STIM2: variants seen among roughly 807,000 people sequenced by gnomAD.
STIM2 encodes stromal interaction molecule 2.
A neutral mutation model predicts 85.8 loss-of-function variants in STIM2; 31 were observed. The ratio of observed to expected loss-of-function variants is 0.36; its 90% CI spans 0.27 to 0.49. STIM2 has a LOEUF of 0.49. Ranked by LOEUF, STIM2 falls within the 20% of genes least tolerant of loss-of-function variation. STIM2 has a pLI of 0.98. For missense variants in STIM2, 841 were observed against 927.6 expected, an observed-to-expected ratio of 0.91 and a Z score of 1.21; for synonymous variants, 356 against 331.1, an observed-to-expected ratio of 1.08 and a Z score of -0.82.
intron 2 of STIM2, among the ~76,000 whole-genome samples, chr4:26,937,218 T>C (rs1432006917): frequency 6.6e-6 from 1 of 152,244 alleles, no homozygotes; most frequent in Non-Finnish European, 1.5e-5. Context: ...TTAAAAATTA[T>C]TTCTAATTTC....
At chr4:26,929,248 A>T (rs1440108366) in intron 2 of STIM2, among the ~76,000 whole-genome samples, 1 of 152,124 alleles carries the variant, frequency 6.6e-6, no homozygotes, top group Non-Finnish European at 1.5e-5. Context: ...TGTAGCTCAC[A>T]TTTTATTTCT....
intron 3 of STIM2, among the ~76,000 whole-genome samples, chr4:26,974,552 G>A (rs888058615): frequency 3.9e-5 from 6 of 152,190 alleles, no homozygotes; most frequent in Non-Finnish European, 5.9e-5. Context: ...CTTTAAGAAT[G>A]TTGAATATCG....
intron 7 of STIM2, among the ~76,000 whole-genome samples, chr4:27,004,377 G>A (rs1262635156): frequency 1.3e-5 from 2 of 152,090 alleles, no homozygotes; most frequent in Non-Finnish European, 2.9e-5. Context: ...AAAAGGCCTA[G>A]TCGAAATCAT....
intron 1 of STIM2, among the ~76,000 whole-genome samples, chr4:26,907,740 T>C (rs954656915): frequency 3.3e-5 from 5 of 152,236 alleles, no homozygotes; most frequent in African/African-American, 1.2e-4. Context: ...CTTTCTATTT[T>C]TGGAGGTTTA....
intron 2 of STIM2, among the ~76,000 whole-genome samples, chr4:26,921,332 A>G (rs1724789979): frequency 6.6e-6 from 1 of 152,216 alleles, no homozygotes; most frequent in Non-Finnish European, 1.5e-5. Flanking sequence ...GATCTGTAAG[A>G]GAATAAATTT....
intron 3 of STIM2, among the ~76,000 whole-genome samples, chr4:26,976,489 C>A (rs1727200784): frequency 6.7e-6 from 1 of 148,738 alleles, no homozygotes; most frequent in South Asian, 2.1e-4. Context: ...TGATTGATTG[C>A]AAGTTACAAA....
In STIM2 at chr4:27,008,464, G is replaced by A; in HGVS notation, c.1186G>A (p.Gly396Arg). ...TAAAAAGAAGAGAAGCACAGTCTTT[G>A]GGACTCTGCACGTTGCACACAGCTC... Residue 396 changes from glycine (G) to arginine (R), a missense_variant, in exon 9 of 12, where the codon GGG becomes AGG. Physicochemically the swap from Gly to Arg is moderately radical, Grantham distance 125. Coordinates refer to ENST00000467087, the MANE Select transcript of STIM2 (RefSeq NM_020860.4). 6.2e-7 allele frequency: 1 copy of A among 1,601,756 alleles called. No individual in the cohort carries two copies. The highest frequency in any genetic ancestry group is 1.3e-5 in the African/African-American group (1 of 74,668).
chr4:26,986,539 C>A (rs919233137), intron 3 of STIM2, among the ~76,000 whole-genome samples: 1 of 152,130 alleles, frequency 6.6e-6, no homozygotes, highest in Non-Finnish European at 1.5e-5. Context: ...ATGAAAGGAA[C>A]AAGTAAATAC....
intron 2 of STIM2, among the ~76,000 whole-genome samples, chr4:26,934,405 T>G (rs28638023): frequency 0.011 from 1,708 of 152,332 alleles, 32 homozygotes; most frequent in African/African-American, 0.039. Context: ...TCCATTTTCA[T>G]AAGAACAGAC....
At chr4:27,001,088 C>T (rs920197657) in intron 5 of STIM2, among the ~76,000 whole-genome samples, 2 of 152,222 alleles carry the variant, frequency 1.3e-5, no homozygotes, top group African/African-American at 4.8e-5. Flanking sequence ...CTACATATCA[C>T]ACTACACAAA....
intron 7 of STIM2, among the ~76,000 whole-genome samples, chr4:27,004,412 T>C (rs776344541): frequency 3.3e-5 from 5 of 152,182 alleles, no homozygotes; most frequent in Non-Finnish European, 7.3e-5. Context: ...GTGGGTACTA[T>C]GCCCTTTGCA....
chr4:26,916,420 A>C (rs887634410), intron 1 of STIM2, among the ~76,000 whole-genome samples: 2 of 152,106 alleles, frequency 1.3e-5, no homozygotes, highest in African/African-American at 4.8e-5. Flanking sequence ...TGCCAGGCTG[A>C]CTGTCAGCTG....
intron 2 of STIM2, among the ~76,000 whole-genome samples, chr4:26,949,439 C>G (rs1041007872): frequency 8.5e-5 from 13 of 152,076 alleles, no homozygotes; most frequent in Non-Finnish European, 1.6e-4. Context: ...AACTATATAA[C>G]TCATCATTAA....
intron 1 of STIM2, among the ~76,000 whole-genome samples, chr4:26,908,609 A>G: frequency 6.6e-6 from 1 of 152,134 alleles, no homozygotes; most frequent in Non-Finnish European, 1.5e-5. Context: ...TCAGGCTCCC[A>G]AGTAGCTGGG....
intron 3 of STIM2, among the ~76,000 whole-genome samples, chr4:26,991,951 T>C (rs1727783929): frequency 6.6e-6 from 1 of 152,088 alleles, no homozygotes. Context: ...TTGGGAAAGA[T>C]ACCTTTAAAA....
At chr4:26,904,049 A>G (rs1411486462) in intron 1 of STIM2, among the ~76,000 whole-genome samples, 2 of 149,612 alleles carry the variant, frequency 1.3e-5, no homozygotes, top group Non-Finnish European at 3.0e-5. Context: ...GCACCCATTA[A>G]CTCGTCATTT....
intron 2 of STIM2, among the ~76,000 whole-genome samples, chr4:26,940,744 A>G (rs1023781804): frequency 2.6e-5 from 4 of 152,128 alleles, no homozygotes; most frequent in African/African-American, 7.2e-5. Flanking sequence ...ACATTTTAGA[A>G]CATAATATTT....
At chr4:27,014,981 G>A (rs937324804) in intron 10 of STIM2, among the ~76,000 whole-genome samples, 10 of 151,782 alleles carry the variant, frequency 6.6e-5, no homozygotes, top group South Asian at 2.1e-4. Context: ...ACCTATAATA[G>A]CTTTCTTTTG....
At chr4:26,974,904 A>G (rs1257183272) in intron 3 of STIM2, among the ~76,000 whole-genome samples, 1 of 152,070 alleles carries the variant, frequency 6.6e-6, no homozygotes, top group Non-Finnish European at 1.5e-5. Flanking sequence ...CTTTTCACAT[A>G]GTTCCATATT....
Sources: gnomAD v4.1 joint callset for allele counts (sites outside exome capture counted in the v4.1 genomes callset) on GRCh38, gnomAD v4.1.1 for gene constraint, MANE v1.5 for transcripts, NCBI Gene and HGNC (gene_info 2026-07-23, HGNC 2026-07-21) for gene names.